Variants in KIAA1328 observed in about 807,000 individuals in gnomAD.
The protein encoded by KIAA1328 is protein hinderin.
Under a neutral mutation model 68.1 loss-of-function variants are expected in KIAA1328, and 52 were observed. The observed-to-expected ratio is 0.76, with a 90% confidence interval of 0.61 to 0.96. KIAA1328 has a LOEUF of 0.96. Ranked by LOEUF, KIAA1328 falls within the 40% of genes least tolerant of loss-of-function variation. The pLI is 0.00. For missense variants in KIAA1328, 641 were observed against 677.6 expected, an observed-to-expected ratio of 0.95 and a Z score of 0.60; for synonymous variants, 232 against 239.4, an observed-to-expected ratio of 0.97 and a Z score of 0.28.
intron 6 of KIAA1328, among the ~76,000 whole-genome samples, chr18:36,968,699 C>T (rs1039774132): frequency 5.9e-5 from 9 of 152,148 alleles, no homozygotes; most frequent in African/African-American, 2.2e-4. Context: ...GATATTTCAA[C>T]ACCCCCACTG....
At chr18:37,028,031 C>A (rs1172319250) in intron 6 of KIAA1328, among the ~76,000 whole-genome samples, 1 of 152,078 alleles carries the variant, frequency 6.6e-6, no homozygotes, top group Non-Finnish European at 1.5e-5. Context: ...ACAACCCCAT[C>A]AAAAAGTGGG....
chr18:37,079,455 A>G (rs1176575878), intron 7 of KIAA1328, among the ~76,000 whole-genome samples: 3 of 149,266 alleles, frequency 2.0e-5, no homozygotes, highest in Non-Finnish European at 4.4e-5. Flanking sequence ...CATTGTGCAC[A>G]TGTACCCTAA....
intron 6 of KIAA1328, among the ~76,000 whole-genome samples, chr18:37,047,767 G>A (rs764674202): frequency 3.0e-4 from 46 of 152,022 alleles, no homozygotes; most frequent in Admixed American, 5.2e-4. Flanking sequence ...ACGTAAAATG[G>A]TTTTCCCCTT....
intron 4 of KIAA1328, among the ~76,000 whole-genome samples, chr18:36,875,679 C>T (rs2048096973): frequency 6.6e-6 from 1 of 152,174 alleles, no homozygotes; most frequent in African/African-American, 2.4e-5. Context: ...TGCCTGATTG[C>T]CCTGGCCAGA....
At chr18:36,878,143 GT>G (rs1157203778) in intron 4 of KIAA1328, among the ~76,000 whole-genome samples, 3 of 152,142 alleles carry the variant, frequency 2.0e-5, no homozygotes, top group Non-Finnish European at 4.4e-5. Flanking sequence ...ATACCAAAGA[GT>G]TTTGCAGTGG....
At chr18:37,056,200 G>T (rs781654799) in intron 6 of KIAA1328, among the ~76,000 whole-genome samples, 1 of 152,076 alleles carries the variant, frequency 6.6e-6, no homozygotes, top group Non-Finnish European at 1.5e-5. Context: ...TTTGGTATGT[G>T]TTCATATATG....
At chr18:36,936,247 A>G (rs773062560) in intron 5 of KIAA1328, among the ~76,000 whole-genome samples, 6 of 151,912 alleles carry the variant, frequency 3.9e-5, no homozygotes, top group Non-Finnish European at 8.8e-5. Context: ...TGCTGCACCT[A>G]TCGACCCATC....
intron 6 of KIAA1328, among the ~76,000 whole-genome samples, chr18:37,022,462 A>G (rs1316215383): frequency 1.3e-4 from 20 of 152,182 alleles, no homozygotes; most frequent in Non-Finnish European, 2.9e-4. Context: ...TAGGAGACCT[A>G]CATGATCCTT....
At chr18:36,958,643 G>A (rs1411775078) in intron 5 of KIAA1328, among the ~76,000 whole-genome samples, 6 of 152,040 alleles carry the variant, frequency 3.9e-5, no homozygotes, top group Non-Finnish European at 8.8e-5. Context: ...TTTGTTTTGG[G>A]AAATGTATAT....
At chr18:36,857,838 A>G (rs1207287136) in intron 4 of KIAA1328, among the ~76,000 whole-genome samples, 1 of 152,164 alleles carries the variant, frequency 6.6e-6, no homozygotes, top group East Asian at 1.9e-4. Context: ...ATTGGTTTCT[A>G]ATTTAATTAT....
chr18:36,885,450 G>A, intron 4 of KIAA1328, 107 bp from the exon 5 acceptor site: 1 of 589,064 alleles, frequency 1.7e-6, no homozygotes, highest in Non-Finnish European at 2.9e-6. Context: ...TGTTCCTGAA[G>A]AATTCGGCAT....
intron 9 of KIAA1328, among the ~76,000 whole-genome samples, chr18:37,176,058 A>C (rs976687893): frequency 1.3e-5 from 2 of 152,166 alleles, no homozygotes; most frequent in African/African-American, 4.8e-5. Context: ...ATTATGTAAA[A>C]TTTTCATTCC....
At chr18:36,949,597 T>TCCCCCCCCCCCCC (rs71168248) in intron 5 of KIAA1328, among the ~76,000 whole-genome samples, 11 of 57,352 alleles carry the variant, frequency 1.9e-4, no homozygotes, top group African/African-American at 2.7e-4. Context: ...TCTACCCAGC[T>TCCCCCCCCCCCCC]CCCCCCCCCC....
intron 7 of KIAA1328, among the ~76,000 whole-genome samples, chr18:37,072,463 G>C (rs1008871572): frequency 6.6e-6 from 1 of 151,918 alleles, no homozygotes; most frequent in East Asian, 1.9e-4. Context: ...ACTGTGATAT[G>C]TCTTGACATG....
chr18:37,221,935 G>A, intron 9 of KIAA1328, 82 bp from the exon 10 acceptor site: 4 of 1,345,482 alleles, frequency 3.0e-6, no homozygotes, highest in Non-Finnish European at 4.2e-6. Context: ...TCTTGCCCTG[G>A]ACAGCCCATT....
intron 6 of KIAA1328, among the ~76,000 whole-genome samples, chr18:36,993,530 T>A (rs909485927): frequency 6.6e-6 from 1 of 152,090 alleles, no homozygotes; most frequent in African/African-American, 2.4e-5. Flanking sequence ...GAAAGAAAAT[T>A]CAAGAAATAT....
At chr18:36,980,787 A>T (rs1426352965) in intron 6 of KIAA1328, among the ~76,000 whole-genome samples, 1 of 152,172 alleles carries the variant, frequency 6.6e-6, no homozygotes, top group Non-Finnish European at 1.5e-5. Flanking sequence ...GATAGTGAAT[A>T]AATCTCATGA....
At chr18:37,024,354 TA>T (rs1202315844) in intron 6 of KIAA1328, among the ~76,000 whole-genome samples, 1 of 122,202 alleles carries the variant, frequency 8.2e-6, no homozygotes, top group Admixed American at 1.0e-4. Flanking sequence ...ATATATTTAT[TA>T]TTTATTTATT....
chr18:37,156,985 G>A (rs1190810469), intron 7 of KIAA1328, among the ~76,000 whole-genome samples: 4 of 152,098 alleles, frequency 2.6e-5, no homozygotes, highest in Non-Finnish European at 5.9e-5. Context: ...CTAAGGGGAA[G>A]GAAGAAGTCT....
Sources: gnomAD v4.1 joint callset for allele counts (sites outside exome capture counted in the v4.1 genomes callset) on GRCh38, gnomAD v4.1.1 for gene constraint, MANE v1.5 for transcripts, NCBI Gene and HGNC (gene_info 2026-07-23, HGNC 2026-07-21) for gene names.